AP3B1: variants seen among roughly 807,000 people sequenced by gnomAD.
The protein encoded by AP3B1 is adaptor related protein complex 3 subunit beta 1.
A neutral mutation model predicts 132.5 loss-of-function variants in AP3B1; 61 were observed. The ratio of observed to expected loss-of-function variants is 0.46; its 90% CI spans 0.37 to 0.57. The LOEUF (loss-of-function observed/expected upper bound fraction) is 0.57, where lower values mean the gene tolerates loss of function less well. Ranked by LOEUF, AP3B1 falls within the 20% of genes least tolerant of loss-of-function variation. The pLI, the probability that AP3B1 is intolerant of heterozygous loss-of-function variation, is 0.00. For synonymous variants in AP3B1, 388 were observed against 438.3 expected (o/e 0.89, Z 1.43); for missense variants, 1,120 against 1,289.4 (o/e 0.87, Z 2.01).
intron 22 of AP3B1, among the ~76,000 whole-genome samples, chr5:78,063,000 A>G (rs1169360620): frequency 6.6e-6 from 1 of 152,216 alleles, no homozygotes; most frequent in East Asian, 1.9e-4. Flanking sequence ...TCTATGAGCT[A>G]ATTATGAATG....
Position 78,294,675 on chromosome 5 carries a change from G to C in AP3B1, c.-96C>G, listed in dbSNP as rs1580607475. On this transcript the variant is annotated 5_prime_UTR_variant, in exon 1 of 27. Transcript: ENST00000255194. ...CACGGAACAAAACTAGTTCTCGTACGGAGGAGCGCGCGCAGGCGCTTCCGG... is the reference window on the plus strand; with the variant it reads ...CACGGAACAAAACTAGTTCTCGTACCGAGGAGCGCGCGCAGGCGCTTCCGG... The C allele has an allele frequency of 3.1e-6, 5 of 1,587,590 alleles. No homozygotes were observed. Among genetic ancestry groups the C allele is most frequent in the Middle Eastern group, 3.4e-4 (2 of 5,888 alleles).
At chr5:78,096,836 AG>A (rs1324995985) in intron 21 of AP3B1, among the ~76,000 whole-genome samples, 235 of 146,026 alleles carry the variant, frequency 1.6e-3, no homozygotes, top group African/African-American at 5.9e-3. Flanking sequence ...TCCGGGAGGG[AG>A]GGGGGGCTCA....
intron 24 of AP3B1, among the ~76,000 whole-genome samples, chr5:78,023,912 C>G (rs557268095): frequency 6.6e-6 from 1 of 152,184 alleles, no homozygotes; most frequent in East Asian, 1.9e-4. Context: ...CTAAAGAAAC[C>G]TGAGCATGCT....
chr5:78,161,618 C>T (rs1054805082), intron 13 of AP3B1, among the ~76,000 whole-genome samples: 25 of 151,910 alleles, frequency 1.6e-4, no homozygotes, highest in African/African-American at 5.8e-4. Context: ...CGTTTATCAT[C>T]CTATCTCCAC....
chr5:78,173,718 G>C (rs1422388621), intron 11 of AP3B1, among the ~76,000 whole-genome samples: 2 of 151,754 alleles, frequency 1.3e-5, no homozygotes, highest in Non-Finnish European at 2.9e-5. Flanking sequence ...TCTTGAATTT[G>C]AATGTTGGCC....
rs569740804 is a variant in AP3B1, at chr5:78,076,198, G to C, written c.2577+13195C>G. 1.1e-4 allele frequency among the ~76,000 whole-genome samples: 17 copies of C among 152,274 alleles called. 1 individual carries two copies. In the South Asian group the frequency reaches 3.5e-3, roughly 32 times the overall value. On this transcript the variant is annotated intron_variant, in intron 22 of 26. Transcript: ENST00000255194. Reference sequence around the variant, plus strand: ...ACTGTTACAAAAAGGAGAGCACTTGGTATACTGTAATTACATACTTTGAGG... The same window carrying C: ...ACTGTTACAAAAAGGAGAGCACTTGCTATACTGTAATTACATACTTTGAGG...
intron 2 of AP3B1, among the ~76,000 whole-genome samples, chr5:78,262,291 C>T (rs909089596): frequency 1.3e-5 from 2 of 152,050 alleles, no homozygotes; most frequent in Non-Finnish European, 2.9e-5. Context: ...TCTAAGAATC[C>T]TATGCCAAAT....
intron 22 of AP3B1, among the ~76,000 whole-genome samples, chr5:78,058,884 T>A (rs553773343): frequency 1.3e-5 from 2 of 152,314 alleles, no homozygotes; most frequent in African/African-American, 4.8e-5. Flanking sequence ...TGCCCTCCTG[T>A]TCCTCTGCAA....
At chr5:78,195,683 GGTGATGCACACCT>G (rs781269671) in intron 7 of AP3B1, among the ~76,000 whole-genome samples, 2 of 152,078 alleles carry the variant, frequency 1.3e-5, no homozygotes, top group African/African-American at 4.8e-5. Flanking sequence ...AGCTGGGTGT[GGTGATGCACACCT>G]GTTATCCCAG....
At chr5:78,115,636 C>T (rs774163953) in intron 18 of AP3B1, among the ~76,000 whole-genome samples, 5 of 152,082 alleles carry the variant, frequency 3.3e-5, no homozygotes, top group African/African-American at 9.7e-5. Context: ...TACCCTCAAC[C>T]TTTAGTTTGA....
chr5:78,118,673 A>G (rs900685457), intron 17 of AP3B1, among the ~76,000 whole-genome samples: 1 of 152,254 alleles, frequency 6.6e-6, no homozygotes, highest in Non-Finnish European at 1.5e-5. Flanking sequence ...CAAAGCAGCC[A>G]GGAAGCTCGA....
intron 1 of AP3B1, among the ~76,000 whole-genome samples, chr5:78,282,988 A>G (rs1277453436): frequency 6.6e-6 from 1 of 152,214 alleles, no homozygotes; most frequent in African/African-American, 2.4e-5. Flanking sequence ...GGGCACAGAA[A>G]GAGATTGTGT....
chr5:78,092,973 A>C (rs917916917), intron 21 of AP3B1, among the ~76,000 whole-genome samples: 3 of 152,164 alleles, frequency 2.0e-5, no homozygotes, highest in South Asian at 2.1e-4. Flanking sequence ...TGGACAAACA[A>C]ATTCTTCAAA....
At chr5:78,283,354 G>A (rs1261404822) in intron 1 of AP3B1, among the ~76,000 whole-genome samples, 2 of 152,094 alleles carry the variant, frequency 1.3e-5, no homozygotes, top group East Asian at 1.9e-4. Flanking sequence ...TTCCTCCTAC[G>A]GAAGTAGGAA....
At chr5:78,167,321 T>G (rs982594596) in intron 11 of AP3B1, among the ~76,000 whole-genome samples, 3 of 151,828 alleles carry the variant, frequency 2.0e-5, no homozygotes, top group African/African-American at 7.3e-5. Context: ...ATGGTCATAA[T>G]CAAAAAATCA....
intron 2 of AP3B1, among the ~76,000 whole-genome samples, chr5:78,251,826 G>T (rs894657259): frequency 2.6e-5 from 4 of 152,198 alleles, no homozygotes; most frequent in Non-Finnish European, 5.9e-5. Context: ...GAGGGAGCAC[G>T]CAACATACTG....
At chr5:78,128,849 G>A (rs1316708524) in intron 16 of AP3B1, among the ~76,000 whole-genome samples, 2 of 151,960 alleles carry the variant, frequency 1.3e-5, no homozygotes, top group Non-Finnish European at 2.9e-5. Context: ...ATAAGAATAA[G>A]ACAGTTTTCA....
At chr5:78,267,681 G>T in intron 1 of AP3B1, 86 bp from the exon 2 acceptor site, 1 of 824,534 alleles carries the variant, frequency 1.2e-6, no homozygotes, top group Non-Finnish European at 1.9e-6. Context: ...AGAATTAGAA[G>T]TAATATCATG....
Position 78,193,738 on chromosome 5 carries a change from A to ATT in AP3B1, c.787-12078_787-12077dup, listed in dbSNP as rs370371072. On this transcript the variant is annotated intron_variant, in intron 7 of 26. Coordinates refer to ENST00000255194, the MANE Select transcript of AP3B1 (RefSeq NM_003664.5). ...TACATATTTTTAAATATTTGTATAT[A>ATT]TTTTTTTATATATATATATATATAT... Among the ~76,000 whole-genome samples the ATT allele has an allele frequency of 1.0e-4, 9 of 87,484 alleles. No homozygotes were observed. The South Asian group carries it at 2.4e-3, about 23-fold the overall frequency. The allele number at this position is 87,484 out of a possible 152,430, so 57.4% of individuals were successfully genotyped here.
Sources: gnomAD v4.1 joint callset for allele counts (sites outside exome capture counted in the v4.1 genomes callset) on GRCh38, gnomAD v4.1.1 for gene constraint, MANE v1.5 for transcripts, NCBI Gene and HGNC (gene_info 2026-07-23, HGNC 2026-07-21) for gene names.